ADGRG7: variants seen among roughly 807,000 people sequenced by gnomAD.
ADGRG7 encodes the protein G-protein coupled receptor 128.
In ADGRG7, 82 loss-of-function variants were observed where a neutral mutation model predicts 88.6. The ratio of observed to expected loss-of-function variants is 0.93; its 90% CI spans 0.77 to 1.11. ADGRG7 has a LOEUF of 1.11. ADGRG7 is among the 50% of genes most tolerant of loss of function. The pLI is 0.00. For synonymous variants in ADGRG7, 381 were observed against 345.2 expected, an observed-to-expected ratio of 1.10 and a Z score of -1.15; for missense variants, 945 against 953.4, an observed-to-expected ratio of 0.99 and a Z score of 0.12.
At chr3:100,676,812 G>A (rs2149038184) in intron 15 of ADGRG7, among the ~76,000 whole-genome samples, 1 of 152,044 alleles carries the variant, frequency 6.6e-6, no homozygotes, top group East Asian at 1.9e-4. Flanking sequence ...ATTTACAATT[G>A]TTATATCCTC....
chr3:100,650,502 T>C (rs575505988), intron 11 of ADGRG7, among the ~76,000 whole-genome samples: 2 of 152,324 alleles, frequency 1.3e-5, no homozygotes, highest in South Asian at 2.1e-4. Flanking sequence ...TTTTCAAGCA[T>C]CCAGGCCAGT....
rs563732392 is a variant in ADGRG7, at chr3:100,617,253, G to T, written c.115+7282G>T. 3.3e-5 allele frequency among the ~76,000 whole-genome samples: 5 copies of T among 151,854 alleles called. No individual in the cohort carries two copies. The East Asian group carries it at 9.7e-4, about 29-fold the overall frequency. ...TTTTTATTGTACTTTAAGTTTTAGG[G>T]TACATGTGCACAACATGCAGATTAG... On this transcript the variant is annotated intron_variant, in intron 1 of 15. Coordinates refer to ENST00000273352, the MANE Select transcript of ADGRG7 (RefSeq NM_032787.3).
At position 100,694,998 on chromosome 3, in the gene ADGRG7, C is replaced by G; in HGVS notation, c.2391C>G (p.Ile797Met). 12 of 1,613,322 alleles carry G rather than the reference C, an allele frequency of 7.4e-6. No homozygotes were observed. Among genetic ancestry groups the G allele is most frequent in the Non-Finnish European group, 8.5e-6 (10 of 1,179,488 alleles). Residue 797 changes from isoleucine to methionine, a missense_variant, in exon 16 of 16, where the codon ATC becomes ATG. Physicochemically the swap from Ile to Met is conservative, Grantham distance 10. Coordinates refer to ENST00000273352, the MANE Select transcript of ADGRG7 (RefSeq NM_032787.3). ...LSESDNAKES[I>M] ...AAAGTGACAATGCAAAGGAAAGCAT[C>G]TAGACAGTAAAACTTACCTGTTGTG...
At chr3:100,637,271 T>TGATGAAG (rs1707560531) in intron 5 of ADGRG7, 31 bp from the exon 6 acceptor site, 1 of 1,370,576 alleles carries the variant, frequency 7.3e-7, no homozygotes, top group Admixed American at 1.7e-5. Context: ...GATATATGCT[T>TGATGAAG]CTCTGATGAT....
chr3:100,633,234 A>T (rs1707480312), intron 3 of ADGRG7, 31 bp from the exon 4 acceptor site: 2 of 1,103,556 alleles, frequency 1.8e-6, no homozygotes, highest in South Asian at 3.0e-5. Context: ...ATAAATACTT[A>T]TTTTTAATAA....
chr3:100,662,669 A>G (rs1191406805), intron 14 of ADGRG7, among the ~76,000 whole-genome samples: 1 of 152,100 alleles, frequency 6.6e-6, no homozygotes, highest in Non-Finnish European at 1.5e-5. Context: ...CAAGGCCAAC[A>G]ATTTCAAAAC....
rs772257966 is a variant in ADGRG7 at position 100,635,673 on chromosome 3, A to G, written c.448-4A>G. 5.0e-6 allele frequency: 8 copies of G among 1,606,616 alleles called. No homozygotes were observed. The highest frequency in any genetic ancestry group is 6.8e-6 in the Non-Finnish European group (8 of 1,177,774). On this transcript the variant is annotated splice_region_variant and splice_polypyrimidine_tract_variant and intron_variant, in intron 4 of 15. Transcript: ENST00000273352. Reference sequence around the variant, plus strand: ...TAGGGTTTTTTTTCTGGTTTTTAAAACAGGTAAAGGATGTCACAGCACCAC... The same window carrying G: ...TAGGGTTTTTTTTCTGGTTTTTAAAGCAGGTAAAGGATGTCACAGCACCAC...
intron 15 of ADGRG7, among the ~76,000 whole-genome samples, chr3:100,679,200 C>T (rs1304390312): frequency 6.6e-6 from 1 of 152,162 alleles, no homozygotes; most frequent in East Asian, 1.9e-4. Context: ...TCTCCCCATC[C>T]CCCAACCTTT....
At chr3:100,671,433 T>C (rs1559687376) in intron 15 of ADGRG7, among the ~76,000 whole-genome samples, 1 of 152,200 alleles carries the variant, frequency 6.6e-6, no homozygotes, top group Non-Finnish European at 1.5e-5. Flanking sequence ...TTTAAGTTCT[T>C]TGTAGATTCT....
Position 100,658,150 on chromosome 3 carries a change from G to T in ADGRG7, c.1824-1538G>T, listed in dbSNP as rs925184136. Among the ~76,000 whole-genome samples, 4 of 152,170 alleles carry T rather than the reference G, an allele frequency of 2.6e-5. 1 individual carries two copies. The East Asian group carries it at 7.7e-4, about 29-fold the overall frequency. ...TAATAGTAATTCTATCCTTCTAGGT[G>T]CTCAGATTTTGGAGTCATTCTTAAT... On this transcript the variant is annotated intron_variant, in intron 13 of 15. Transcript: ENST00000273352.
chr3:100,654,851 T>A lies in ADGRG7; in HGVS notation c.1396T>A (p.Ser466Thr). Residue 466 changes from serine (S) to threonine (T), a missense_variant, in exon 12 of 16, where the codon TCA (serine) becomes ACA (threonine). By Grantham distance (58) the Ser-to-Thr change is moderately conservative. Coordinates refer to ENST00000273352, the MANE Select transcript of ADGRG7 (RefSeq NM_032787.3). ...TATTTTCAGGAAAGTCAGAAAAACC[T>A]CAGTAACCTGGGTTTTGGTCAATCT... The part of the protein sequence containing the change: ...QIVTRKVRKT[S>T]VTWVLVNLCI... The A allele has an allele frequency of 6.4e-7, 1 of 1,567,892 alleles. No individual in the cohort carries two copies. The highest frequency in any genetic ancestry group is 8.7e-7 in the Non-Finnish European group (1 of 1,154,748).
chr3:100,674,423 C>T (rs1358307662), intron 15 of ADGRG7, among the ~76,000 whole-genome samples: 1 of 152,124 alleles, frequency 6.6e-6, no homozygotes, highest in African/African-American at 2.4e-5. Context: ...AATCCATGAA[C>T]ATGGAATCTC....
intron 15 of ADGRG7, among the ~76,000 whole-genome samples, chr3:100,674,092 TCTCA>T (rs1243661289): frequency 2.6e-5 from 4 of 152,324 alleles, no homozygotes; most frequent in Non-Finnish European, 4.4e-5. Flanking sequence ...GTGTCTTTGT[TCTCA>T]TTGGTTTCAA....
At chr3:100,667,831 A>T (rs1190156824) in intron 14 of ADGRG7, among the ~76,000 whole-genome samples, 1 of 151,922 alleles carries the variant, frequency 6.6e-6, no homozygotes, top group Non-Finnish European at 1.5e-5. Context: ...AGGGTATGAA[A>T]AGAAAAAAAA....
intron 1 of ADGRG7, among the ~76,000 whole-genome samples, chr3:100,625,993 G>C (rs930999998): frequency 6.6e-6 from 1 of 152,172 alleles, no homozygotes; most frequent in Admixed American, 6.5e-5. Context: ...GTCTCTGCCA[G>C]GTTTTGTTAT....
chr3:100,616,432 G>T (rs949543838), intron 1 of ADGRG7, among the ~76,000 whole-genome samples: 1 of 151,938 alleles, frequency 6.6e-6, no homozygotes, highest in East Asian at 1.9e-4. Context: ...AAGAATAGGA[G>T]AATTTGAAAA....
At chr3:100,662,219 AGCT>A (rs1235491858) in intron 14 of ADGRG7, among the ~76,000 whole-genome samples, 1 of 152,170 alleles carries the variant, frequency 6.6e-6, no homozygotes, top group Non-Finnish European at 1.5e-5. Context: ...GGAAATTTTT[AGCT>A]AAAGTGTCAG....
At chr3:100,686,564 G>A (rs2094983043) in intron 15 of ADGRG7, among the ~76,000 whole-genome samples, 1 of 152,164 alleles carries the variant, frequency 6.6e-6, no homozygotes, top group Admixed American at 6.5e-5. Context: ...AAGGTATAAG[G>A]AAGGGATCCA....
intron 1 of ADGRG7, among the ~76,000 whole-genome samples, chr3:100,620,068 C>A (rs1199714302): frequency 1.3e-5 from 2 of 152,250 alleles, no homozygotes; most frequent in South Asian, 4.2e-4. Flanking sequence ...TGAGGCCAGC[C>A]TCATCCTGTT....
Sources: allele counts gnomAD v4.1 joint callset (sites outside exome capture counted in the v4.1 genomes callset), GRCh38; gene constraint gnomAD v4.1.1; transcripts MANE v1.5; gene names NCBI Gene and HGNC (gene_info 2026-07-23, HGNC 2026-07-21).